The following TBC1D20 variants were observed in gnomAD, a reference collection of about 807,000 sequenced individuals.
The protein encoded by TBC1D20 is TBC1 domain family member 20.
Under a neutral mutation model 41.6 loss-of-function variants are expected in TBC1D20, and 12 were observed. The observed-to-expected ratio is 0.29, with a 90% confidence interval of 0.18 to 0.47. The LOEUF (loss-of-function observed/expected upper bound fraction) is 0.47. Among genes scored for constraint, TBC1D20 ranks in the 20% least tolerant of loss-of-function variants. TBC1D20 has a pLI of 1.00. For synonymous variants in TBC1D20, 205 were observed against 204.8 expected (o/e 1.00, Z -0.01); for missense variants, 421 against 517.4 (o/e 0.81, Z 1.81).
rs1235817981 is a variant in TBC1D20 at position 436,852 on chromosome 20, C to T, written c.*1734G>A. The T allele has an allele frequency of 6.5e-6, 1 of 153,702 alleles. No homozygotes were observed. Among genetic ancestry groups the T allele is most frequent in the African/African-American group, 2.4e-5 (1 of 41,452 alleles). The allele number at this position is 153,702 out of a possible 1,614,324, so 9.5% of individuals were successfully genotyped here. On this transcript the variant is annotated 3_prime_UTR_variant, in exon 8 of 8. Transcript: ENST00000354200. Reference sequence around the variant, plus strand: ...TGGTGGCTGGGCGTGGTGGCTCACACCTGTAATCCCAGCACTTTGGGAGGA... The same window carrying T: ...TGGTGGCTGGGCGTGGTGGCTCACATCTGTAATCCCAGCACTTTGGGAGGA...
intron 1 of TBC1D20, among the ~76,000 whole-genome samples, chr20:450,485 T>C (rs1409490112): frequency 6.6e-6 from 1 of 152,072 alleles, no homozygotes; most frequent in Non-Finnish European, 1.5e-5. Flanking sequence ...AAAGGGTACT[T>C]GGGTTTCCAG....
chr20:450,237 G>A (rs536731167), intron 1 of TBC1D20, among the ~76,000 whole-genome samples: 14 of 150,606 alleles, frequency 9.3e-5, no homozygotes, highest in African/African-American at 3.4e-4. Flanking sequence ...CAACCTCCCT[G>A]TCCCAGGTTC....
chr20:457,084 G>A (rs74181542), intron 1 of TBC1D20, among the ~76,000 whole-genome samples: 2 of 151,102 alleles, frequency 1.3e-5, no homozygotes, highest in Non-Finnish European at 3.0e-5. Context: ...TTACAGGCAT[G>A]CACCACCATG....
chr20:448,799 A>G (rs559559200), intron 1 of TBC1D20, among the ~76,000 whole-genome samples: 1 of 151,278 alleles, frequency 6.6e-6, no homozygotes, highest in South Asian at 2.1e-4. Flanking sequence ...CTGGGACTAC[A>G]GGTGCATGCC....
intron 1 of TBC1D20, among the ~76,000 whole-genome samples, chr20:449,393 G>C (rs570083449): frequency 6.6e-6 from 1 of 150,854 alleles, no homozygotes; most frequent in Non-Finnish European, 1.5e-5. Context: ...TCAGGAGTTC[G>C]AGACCAGCCT....
rs963073827 is a variant in TBC1D20 at position 440,321 on chromosome 20, A to G, written c.695T>C (p.Phe232Ser). ...GTCATATAACCGCACGACGTGCCTG[A>G]AGTCAGACAGGACATGCCCAAACCA... ...ITWFGHVLSD[F>S]RHVVRLYDFF... Residue 232 changes from phenylalanine (F) to serine (S), a missense_variant, in exon 6 of 8, where the codon TTC becomes TCC. By Grantham distance (155) the Phe-to-Ser change is radical. Coordinates refer to ENST00000354200, the MANE Select transcript of TBC1D20 (RefSeq NM_144628.4). The G allele has an allele frequency of 1.9e-6, 3 of 1,614,180 alleles. No individual in the cohort carries two copies. Among genetic ancestry groups the G allele is most frequent in the Non-Finnish European group, 2.5e-6 (3 of 1,180,030 alleles).
Position 445,140 on chromosome 20 carries a change from G to C in TBC1D20, c.257-10C>G. On this transcript the variant is annotated splice_polypyrimidine_tract_variant and intron_variant, in intron 2 of 7. Transcript: ENST00000354200. Reference sequence around the variant, plus strand: ...TGCCGTAGGTTCTTCCCTATTGAAGGAAAAGGCACGTTATTGCAGGAATGC... The same window carrying C: ...TGCCGTAGGTTCTTCCCTATTGAAGCAAAAGGCACGTTATTGCAGGAATGC... 1 of 1,582,742 alleles carries C rather than the reference G, an allele frequency of 6.3e-7. No individual in the cohort carries two copies. Among genetic ancestry groups the C allele is most frequent in the Non-Finnish European group, 8.6e-7 (1 of 1,159,870 alleles).
At chr20:440,428 C>A in intron 5 of TBC1D20, 39 bp from the exon 6 acceptor site, 1 of 1,610,360 alleles carries the variant, frequency 6.2e-7, no homozygotes, top group Non-Finnish European at 8.5e-7. Flanking sequence ...GTCCTGTGGG[C>A]CATCCCTTCC....
Position 439,472 on chromosome 20 carries a change from C to T in TBC1D20, c.769-177G>A, listed in dbSNP as rs1258310671. 6.6e-6 allele frequency among the ~76,000 whole-genome samples: 1 copy of T among 152,230 alleles called. No homozygotes were observed. On this transcript the variant is annotated intron_variant, in intron 6 of 7. Coordinates refer to ENST00000354200, the MANE Select transcript of TBC1D20 (RefSeq NM_144628.4). This position sits in a 1 kb window ranked among gnomAD's most constrained non-coding sequence, Gnocchi z 4.6. ...AATAACATATATACGCTCAGTGCTA[C>T]TCCTACTCTCTGGCCCTTCCTGCAA... is the stretch of plus-strand genomic sequence containing the variant.
chr20:443,247 C>T (rs2017272242), intron 3 of TBC1D20, among the ~76,000 whole-genome samples: 1 of 152,116 alleles, frequency 6.6e-6, no homozygotes, highest in African/African-American at 2.4e-5. Flanking sequence ...TTACACGGTC[C>T]CCTTTAAACC....
Position 438,535 on chromosome 20 carries a change from A to G in TBC1D20, c.*51T>C, listed in dbSNP as rs558796959. 4 of 1,588,482 alleles carry G rather than the reference A, an allele frequency of 2.5e-6. No homozygotes were observed. In the Admixed American group the frequency reaches 5.2e-5, roughly 21 times the overall value. ...AAATTCCACCCCTCCCAATCCTTCC[A>G]TGGAAGGGTGAGACCTTAATGTGAT... On this transcript the variant is annotated 3_prime_UTR_variant, in exon 8 of 8. Transcript: ENST00000354200.
At chr20:443,980 A>T (rs1320725250) in intron 3 of TBC1D20, among the ~76,000 whole-genome samples, 2 of 151,816 alleles carry the variant, frequency 1.3e-5, no homozygotes. Flanking sequence ...ACACACACAA[A>T]ATTAGCTGGG....
chr20:441,103 G>A (rs1409128912), intron 5 of TBC1D20: 1 of 154,634 alleles, frequency 6.5e-6, no homozygotes, highest in Non-Finnish European at 1.4e-5. Flanking sequence ...AAAAAAGAAG[G>A]CATAGCCATT....
chr20:445,884 T>C (rs553754882), intron 2 of TBC1D20, among the ~76,000 whole-genome samples: 100 of 152,356 alleles, frequency 6.6e-4, no homozygotes, highest in African/African-American at 2.0e-3. Context: ...TGGAACCTGA[T>C]AGAAGAACAT....
chr20:450,721 T>G (rs1008438335), intron 1 of TBC1D20: 2 of 152,232 alleles, frequency 1.3e-5, no homozygotes, highest in African/African-American at 2.4e-5. Flanking sequence ...TAGATTTCTT[T>G]GTTCCTTTTC....
intron 1 of TBC1D20, among the ~76,000 whole-genome samples, chr20:459,912 G>T (rs567113436): frequency 1.3e-5 from 2 of 152,296 alleles, no homozygotes; most frequent in South Asian, 2.1e-4. Context: ...CCCCCTCAGA[G>T]TAATAGGCAT....
intron 1 of TBC1D20, among the ~76,000 whole-genome samples, chr20:460,093 G>A (rs946041883): frequency 6.6e-5 from 10 of 151,724 alleles, no homozygotes; most frequent in African/African-American, 1.9e-4. Flanking sequence ...TCGTGTGAGC[G>A]TACAAAATTC....
chr20:456,933 ATTTTTTTTTTT>A (rs11471255), intron 1 of TBC1D20, among the ~76,000 whole-genome samples: 1 of 128,224 alleles, frequency 7.8e-6, no homozygotes, highest in Admixed American at 8.0e-5. Flanking sequence ...CCTTCTTTTA[ATTTTTTTTTTT>A]TTTTTTTTTG....
rs11471553 is a variant in TBC1D20 at position 454,650 on chromosome 20, C to CATT, written c.71-6579_71-6577dup. ...AAACTGTTTCTATGACAAAGCTGTA[C>CATT]ATTATTATTATTATTATTATTATTT... is the stretch of plus-strand genomic sequence containing the variant. On this transcript the variant is annotated intron_variant, in intron 1 of 7. Transcript: ENST00000354200. 7.1e-3 allele frequency among the ~76,000 whole-genome samples: 1,059 copies of CATT among 149,566 alleles called. 9 individuals carry two copies. The highest frequency in any genetic ancestry group is 0.02 in the African/African-American group (803 of 40,860).
Sources: gnomAD v4.1 joint callset for allele counts (sites outside exome capture counted in the v4.1 genomes callset) on GRCh38, gnomAD v4.1.1 for gene constraint, Gnocchi (gnomAD v3.1) non-coding constraint, MANE v1.5 for transcripts, NCBI Gene and HGNC (gene_info 2026-07-23, HGNC 2026-07-21) for gene names.